Variants in APBA2 observed in about 807,000 individuals in gnomAD.
APBA2 encodes amyloid-beta A4 precursor protein-binding family A member 2.
Under a neutral mutation model 75.0 loss-of-function variants are expected in APBA2, and 30 were observed. That is an observed-to-expected ratio of 0.40 (90% CI 0.30 to 0.54). The LOEUF (loss-of-function observed/expected upper bound fraction) is 0.54. Among genes scored for constraint, APBA2 ranks in the 20% least tolerant of loss-of-function variants. APBA2 has a pLI of 0.49. For synonymous variants in APBA2, 444 were observed against 409.6 expected, an observed-to-expected ratio of 1.08 and a Z score of -1.01; for missense variants, 801 against 1,016.1, an observed-to-expected ratio of 0.79 and a Z score of 2.88.
At chr15:29,023,656 A>G (rs2152833620) in intron 3 of APBA2, among the ~76,000 whole-genome samples, 1 of 151,696 alleles carries the variant, frequency 6.6e-6, no homozygotes, top group East Asian at 2.0e-4. Context: ...GAGTTTTGCC[A>G]TGTTGGCCAG....
At chr15:29,103,686 C>G (rs931440261) in intron 10 of APBA2, among the ~76,000 whole-genome samples, 1 of 152,174 alleles carries the variant, frequency 6.6e-6, no homozygotes, top group African/African-American at 2.4e-5. Context: ...GGCGGTGGCC[C>G]GAGGGAGCCC....
chr15:28,957,070 C>CT (rs955288395), intron 2 of APBA2, among the ~76,000 whole-genome samples: 6 of 148,256 alleles, frequency 4.0e-5, no homozygotes, highest in South Asian at 2.1e-4. Context: ...TTTTCTTTTT[C>CT]TTTTTTTTTC....
At chr15:28,935,225 C>T (rs1213912857) in intron 2 of APBA2, among the ~76,000 whole-genome samples, 6 of 152,202 alleles carry the variant, frequency 3.9e-5, no homozygotes, top group Non-Finnish European at 7.3e-5. Flanking sequence ...CACGGTGGCC[C>T]GGACCCTTGG....
chr15:28,908,116 C>T (rs566537664), intron 1 of APBA2, among the ~76,000 whole-genome samples: 3 of 152,246 alleles, frequency 2.0e-5, no homozygotes, highest in South Asian at 4.1e-4. Flanking sequence ...GAGCCGTTGT[C>T]CCTGAGCTGT....
intron 7 of APBA2, 24 bp downstream of exon 7, chr15:29,093,244 C>T (rs750371696): frequency 3.2e-5 from 51 of 1,613,244 alleles, no homozygotes; most frequent in South Asian, 2.5e-4. Context: ...GAGGGCCCCT[C>T]GCGGATGCCC....
chr15:28,950,227 A>G (rs2035780628), intron 2 of APBA2, among the ~76,000 whole-genome samples: 1 of 152,166 alleles, frequency 6.6e-6, no homozygotes, highest in South Asian at 2.1e-4. Context: ...GCGAAGCACC[A>G]TTTTCAACAT....
intron 3 of APBA2, among the ~76,000 whole-genome samples, chr15:29,023,633 T>A (rs534861195): frequency 6.6e-6 from 1 of 151,854 alleles, no homozygotes; most frequent in South Asian, 2.1e-4. Flanking sequence ...TTTTTGTATT[T>A]TTAGTAGAGA....
chr15:29,082,525 A>G (rs1207840442), intron 6 of APBA2, among the ~76,000 whole-genome samples: 2 of 152,206 alleles, frequency 1.3e-5, no homozygotes, highest in Non-Finnish European at 2.9e-5. Context: ...GCCCCTGGCA[A>G]TTGGGAATTT....
At chr15:28,905,494 A>G (rs2033087051) in intron 1 of APBA2, among the ~76,000 whole-genome samples, 2 of 152,202 alleles carry the variant, frequency 1.3e-5, no homozygotes, top group Admixed American at 1.3e-4. Context: ...TGGGTAGGTC[A>G]AGGTCTGAGG....
intron 6 of APBA2, among the ~76,000 whole-genome samples, chr15:29,081,971 G>A (rs1390554208): frequency 3.3e-5 from 5 of 152,266 alleles, no homozygotes; most frequent in African/African-American, 4.8e-5. Context: ...CCCAAGGGGG[G>A]ACAGCGTACG....
At chr15:28,904,424 T>TAAATAA (rs1329896254) in intron 1 of APBA2, among the ~76,000 whole-genome samples, 1 of 152,242 alleles carries the variant, frequency 6.6e-6, no homozygotes, top group East Asian at 1.9e-4. Context: ...CTGTAATAAA[T>TAAATAA]ATCCTTGTAG....
chr15:28,940,559 AAAG>A (rs1180502196), intron 2 of APBA2, among the ~76,000 whole-genome samples: 2 of 149,186 alleles, frequency 1.3e-5, no homozygotes, highest in African/African-American at 5.0e-5. Context: ...TATCAAAAAA[AAAG>A]AAAAAAAAAA....
At chr15:28,963,330 C>A (rs746956771) in intron 2 of APBA2, among the ~76,000 whole-genome samples, 3 of 152,154 alleles carry the variant, frequency 2.0e-5, no homozygotes, top group Admixed American at 6.5e-5. Context: ...CAGCTCAGGC[C>A]CGGCAGGGGC....
intron 2 of APBA2, among the ~76,000 whole-genome samples, chr15:28,929,916 C>G (rs769977966): frequency 6.6e-6 from 1 of 152,130 alleles, no homozygotes; most frequent in Admixed American, 6.6e-5. Context: ...GACCACAGTT[C>G]TTGTATGAGG....
chr15:28,966,660 C>T (rs1204879556), intron 2 of APBA2, among the ~76,000 whole-genome samples: 1 of 152,028 alleles, frequency 6.6e-6, no homozygotes, highest in Non-Finnish European at 1.5e-5. Flanking sequence ...TGTAGTTAGA[C>T]CATTTATATT....
chr15:28,994,744 G>C, intron 2 of APBA2, among the ~76,000 whole-genome samples: 1 of 152,178 alleles, frequency 6.6e-6, no homozygotes, highest in East Asian at 1.9e-4. Flanking sequence ...ACGCTGAGTA[G>C]ACTAAACCTT....
intron 2 of APBA2, among the ~76,000 whole-genome samples, chr15:28,963,127 A>AT (rs1336731387): frequency 1.3e-5 from 2 of 152,130 alleles, no homozygotes; most frequent in Non-Finnish European, 2.9e-5. Context: ...CCTGGTGTGA[A>AT]TTTTTTAGCT....
chr15:28,903,822 G>T (rs1010558977), intron 1 of APBA2, among the ~76,000 whole-genome samples: 3 of 152,066 alleles, frequency 2.0e-5, no homozygotes, highest in Non-Finnish European at 1.5e-5. Flanking sequence ...TGGTGGGAAG[G>T]ACCCTTCTGG....
rs1329996344 is a variant in APBA2 at position 29,054,247 on chromosome 15, C to T, written c.363C>T (p.Tyr121=). The change falls in exon 4 of 15, where the codon TAC becomes TAT. Residue 121 remains tyrosine (Y), a synonymous_variant. Transcript: ENST00000683413. The surrounding 1 kb of genome is among the most constrained non-coding windows in gnomAD (Gnocchi z 6.1). ...GCATGGACTGCAACGGGGAGGAGTACCTGGCCCACAGTGCACACCCTGTGG... is the reference window on the plus strand; with the variant it reads ...GCATGGACTGCAACGGGGAGGAGTATCTGGCCCACAGTGCACACCCTGTGG... The part of the protein sequence containing the change: ...LEGMDCNGEE[Y]LAHSAHPVDT... The T allele has an allele frequency of 1.2e-6, 2 of 1,614,134 alleles. No individual in the cohort carries two copies. The highest frequency in any genetic ancestry group is 4.5e-5 in the East Asian group (2 of 44,846).
Sources: allele counts gnomAD v4.1 joint callset (sites outside exome capture counted in the v4.1 genomes callset), GRCh38; gene constraint gnomAD v4.1.1; non-coding constraint Gnocchi (gnomAD v3.1); transcripts MANE v1.5; gene names NCBI Gene and HGNC (gene_info 2026-07-23, HGNC 2026-07-21).